The following TBX5 variants were observed in gnomAD, a reference collection of about 807,000 sequenced individuals.
TBX5 encodes T-box transcription factor 5.
In TBX5, 8 loss-of-function variants were observed where a neutral mutation model predicts 51.1. The ratio of observed to expected loss-of-function variants is 0.16; its 90% confidence interval spans 0.09 to 0.28. The LOEUF (loss-of-function observed/expected upper bound fraction) is 0.28, where lower values mean the gene tolerates loss of function less well. TBX5 is among the 10% of genes least tolerant of loss of function. TBX5 has a pLI of 1.00. For synonymous variants in TBX5, 302 were observed against 266.4 expected (o/e 1.13, Z -1.30); for missense variants, 589 against 671.7 (o/e 0.88, Z 1.36).
intron 8 of TBX5, among the ~76,000 whole-genome samples, chr12:114,359,416 A>G (rs1414308236): frequency 6.6e-6 from 1 of 152,194 alleles, no homozygotes; most frequent in Non-Finnish European, 1.5e-5. Context: ...GCAAAGACCT[A>G]TCTCCAGCCA....
At chr12:114,390,526 G>A (rs1197163771) in intron 6 of TBX5, among the ~76,000 whole-genome samples, 3 of 152,208 alleles carry the variant, frequency 2.0e-5, no homozygotes, top group Admixed American at 2.0e-4. Context: ...AATAATTGTT[G>A]TGAATTCTTG....
intron 5 of TBX5, among the ~76,000 whole-genome samples, chr12:114,396,724 G>T (rs1871454664): frequency 6.6e-6 from 1 of 152,200 alleles, no homozygotes; most frequent in Non-Finnish European, 1.5e-5. Context: ...TCCTCCAGAA[G>T]GAGCCAGCCC....
At chr12:114,375,766 G>C (rs112055796) in intron 7 of TBX5, among the ~76,000 whole-genome samples, 19 of 152,270 alleles carry the variant, frequency 1.2e-4, no homozygotes, top group African/African-American at 4.6e-4. Flanking sequence ...CTATCAGCCA[G>C]GTGCAGTGGC....
At chr12:114,370,760 TATC>T (rs1593852219) in intron 7 of TBX5, among the ~76,000 whole-genome samples, 3 of 151,932 alleles carry the variant, frequency 2.0e-5, no homozygotes, top group African/African-American at 7.3e-5. Flanking sequence ...TCCTATCAGT[TATC>T]ATGTTTATTT....
intron 3 of TBX5, among the ~76,000 whole-genome samples, chr12:114,401,454 T>C (rs1324635561): frequency 6.6e-6 from 1 of 152,200 alleles, no homozygotes; most frequent in East Asian, 1.9e-4. Flanking sequence ...AGACTCTGTC[T>C]TCTCTGGGTC....
At position 114,386,946 on chromosome 12, in the gene TBX5, TA is replaced by T. The variant is rs1172883038; in HGVS notation, c.664-1380del. Reference sequence around the variant, plus strand: ...CCATCTCTACAAAAAATACAAAATTTAAAAAAAAAAATAGCCTGGCATGATG... The same window carrying T: ...CCATCTCTACAAAAAATACAAAATTTAAAAAAAAAATAGCCTGGCATGATG... On this transcript the variant is annotated intron_variant, in intron 6 of 8. Transcript: ENST00000405440. Among the ~76,000 whole-genome samples the T allele has an allele frequency of 7.0e-4, 56 of 80,054 alleles. 2 individuals carry two copies. The highest frequency in any genetic ancestry group is 1.8e-3 in the African/African-American group (38 of 21,196). 52.5% of individuals were successfully genotyped at this position (80,054 alleles called of 152,430 possible). A position where few individuals can be genotyped will look rare whatever the true frequency, so the allele number is the denominator to read the frequency against.
In TBX5 at chr12:114,369,646, A is replaced by G. The variant is rs1161458377; in HGVS notation, c.756-3255T>C. ...GGTCAACCAAAGAGACGTGGTTAGT[A>G]TGACAGAAATCTCTAAAGTCCTCCA... On this transcript the variant is annotated intron_variant, in intron 7 of 8. Transcript: ENST00000405440. 2.6e-5 allele frequency among the ~76,000 whole-genome samples: 4 copies of G among 152,230 alleles called. No individual in the cohort carries two copies. The South Asian group carries it at 8.3e-4, about 31-fold the overall frequency.
intron 8 of TBX5, among the ~76,000 whole-genome samples, chr12:114,365,442 TA>T (rs1312410748): frequency 1.3e-5 from 2 of 151,962 alleles, no homozygotes; most frequent in Non-Finnish European, 2.9e-5. Flanking sequence ...TCTAGGTTCA[TA>T]AAAAGATACC....
chr12:114,376,317 TAAAG>T (rs1870187679), intron 7 of TBX5, among the ~76,000 whole-genome samples: 1 of 151,782 alleles, frequency 6.6e-6, no homozygotes, highest in Non-Finnish European at 1.5e-5. Context: ...GCCTTAAAAA[TAAAG>T]AAGGAAATCC....
At chr12:114,392,254 A>C (rs1298443783) in intron 6 of TBX5, among the ~76,000 whole-genome samples, 4 of 152,026 alleles carry the variant, frequency 2.6e-5, no homozygotes, top group African/African-American at 9.7e-5. Context: ...TCAATCACTA[A>C]ATACGTGTAT....
At chr12:114,383,373 T>G (rs1206560254) in intron 7 of TBX5, among the ~76,000 whole-genome samples, 2 of 152,034 alleles carry the variant, frequency 1.3e-5, no homozygotes, top group African/African-American at 4.8e-5. Context: ...AGAACACAGG[T>G]TTGAAGCCTT....
At chr12:114,395,172 T>A (rs927567860) in intron 5 of TBX5, among the ~76,000 whole-genome samples, 1 of 152,130 alleles carries the variant, frequency 6.6e-6, no homozygotes, top group East Asian at 1.9e-4. Context: ...CTTAATAAAT[T>A]AACTCCCTGC....
rs1869509417 is a variant in TBX5 at position 114,366,038 on chromosome 12, T to C, written c.982+127A>G. The stretch of plus-strand genomic sequence containing the variant: ...GTTTAAATTTCTTATCTCCATATAT[T>C]TTTGTGTTGTTTACATTTTTAAATA... On this transcript the variant is annotated intron_variant, in intron 8 of 8. Transcript: ENST00000405440. 4.6e-6 allele frequency: 5 copies of C among 1,093,664 alleles called. No homozygotes were observed. In the Middle Eastern group the frequency reaches 5.9e-4, roughly 130 times the overall value. 67.7% of individuals were successfully genotyped at this position (1,093,664 alleles called of 1,614,324 possible).
At chr12:114,362,118 C>T (rs1869273878) in intron 8 of TBX5, among the ~76,000 whole-genome samples, 1 of 152,122 alleles carries the variant, frequency 6.6e-6, no homozygotes, top group African/African-American at 2.4e-5. Context: ...ATTCCACCCA[C>T]ATCTCCAGCT....
At chr12:114,368,787 G>C (rs1339848008) in intron 7 of TBX5, among the ~76,000 whole-genome samples, 1 of 152,150 alleles carries the variant, frequency 6.6e-6, no homozygotes, top group African/African-American at 2.4e-5. Flanking sequence ...GAGTGGCCAG[G>C]CAGGAACACA....
intron 8 of TBX5, among the ~76,000 whole-genome samples, chr12:114,362,486 T>G (rs1869295170): frequency 6.6e-6 from 1 of 152,062 alleles, no homozygotes; most frequent in Non-Finnish European, 1.5e-5. Flanking sequence ...AGGGGCTTCA[T>G]GCATGCTTTC....
intron 6 of TBX5, among the ~76,000 whole-genome samples, chr12:114,391,914 A>G (rs935754940): frequency 6.6e-6 from 1 of 152,162 alleles, no homozygotes; most frequent in Non-Finnish European, 1.5e-5. Context: ...TTGGTGCTCT[A>G]AAGGAAGAAG....
At chr12:114,393,441 T>C (rs1330312777) in intron 6 of TBX5, among the ~76,000 whole-genome samples, 7 of 152,154 alleles carry the variant, frequency 4.6e-5, no homozygotes, top group Non-Finnish European at 7.3e-5. Context: ...CCAGCACCTA[T>C]TGCTCGCCTC....
rs766962105 is a variant in TBX5 at position 114,401,834 on chromosome 12, C to T, written c.234G>A (p.Lys78=). ...HEVGTEMIIT[K]AGRRMFPSYK... ...ACAACAAACCATCTCACCTTCCAGCCTTGGTTATGATCATTTCCGTGCCCA... is the reference window on the plus strand; with the variant it reads ...ACAACAAACCATCTCACCTTCCAGCTTTGGTTATGATCATTTCCGTGCCCA... Residue 78 remains lysine (K), a synonymous_variant, in exon 3 of 9, where the codon AAG becomes AAA. Transcript: ENST00000405440. 2 of 1,614,156 alleles carry T rather than the reference C, an allele frequency of 1.2e-6. No homozygotes were observed. Among genetic ancestry groups the T allele is most frequent in the South Asian group, 2.2e-5 (2 of 91,078 alleles).
Sources: gnomAD v4.1 joint callset for allele counts (sites outside exome capture counted in the v4.1 genomes callset) on GRCh38, gnomAD v4.1.1 for gene constraint, MANE v1.5 for transcripts, NCBI Gene and HGNC (gene_info 2026-07-23, HGNC 2026-07-21) for gene names.